The following CCDC126 variants were observed in gnomAD, a reference collection of about 807,000 sequenced individuals.
The protein encoded by CCDC126 is coiled-coil domain containing 126.
A neutral mutation model predicts 11.7 loss-of-function variants in CCDC126; 5 were observed. That is an observed-to-expected ratio of 0.43 (90% CI 0.22 to 0.90). The LOEUF is 0.90. Ranked by LOEUF, CCDC126 falls within the 40% of genes least tolerant of loss-of-function variation. The pLI, the probability that CCDC126 is intolerant of heterozygous loss-of-function variation, is 0.27. For missense variants in CCDC126, 150 were observed against 163.1 expected (o/e 0.92, Z 0.44); for synonymous variants, 60 against 61.9 (o/e 0.97, Z 0.14).
intron 3 of CCDC126, among the ~76,000 whole-genome samples, chr7:23,638,853 A>T: frequency 7.5e-6 from 1 of 132,942 alleles, no homozygotes; most frequent in East Asian, 2.1e-4. Flanking sequence ...GTAATACAAT[A>T]ATAAATTAAC....
chr7:23,617,128 A>G (rs1367944579), intron 3 of CCDC126, among the ~76,000 whole-genome samples: 1 of 151,966 alleles, frequency 6.6e-6, no homozygotes, highest in East Asian at 1.9e-4. Flanking sequence ...CAGGTGGGTC[A>G]CTTGACGTTA....
chr7:23,623,094 C>T (rs1327765573), intron 3 of CCDC126, among the ~76,000 whole-genome samples: 1 of 151,410 alleles, frequency 6.6e-6, no homozygotes, highest in African/African-American at 2.4e-5. Context: ...CTGCCTTAGC[C>T]TCCCAACTGG....
intron 2 of CCDC126, among the ~76,000 whole-genome samples, chr7:23,606,199 C>T (rs914735509): frequency 2.0e-5 from 3 of 152,074 alleles, no homozygotes; most frequent in African/African-American, 7.2e-5. Flanking sequence ...GCTGGGACTA[C>T]AGGTGCCCGC....
chr7:23,633,904 C>T (rs193179995), intron 3 of CCDC126, among the ~76,000 whole-genome samples: 1 of 152,242 alleles, frequency 6.6e-6, no homozygotes, highest in African/African-American at 2.4e-5. Context: ...AATTTTCTTG[C>T]TTGCACCATT....
chr7:23,600,374 A>ACCCCCCCCCCCC (rs35190673), intron 2 of CCDC126, among the ~76,000 whole-genome samples: 1 of 80,548 alleles, frequency 1.2e-5, no homozygotes. Flanking sequence ...TTCTGTGTTA[A>ACCCCCCCCCCCC]CCCCCCCCCC....
intron 2 of CCDC126, among the ~76,000 whole-genome samples, chr7:23,606,236 T>C (rs1353148899): frequency 6.6e-6 from 1 of 152,034 alleles, no homozygotes; most frequent in Non-Finnish European, 1.5e-5. Context: ...TTTTTTGTAT[T>C]TTTAGTAGAG....
intron 3 of CCDC126, among the ~76,000 whole-genome samples, chr7:23,639,235 AGGCTG>A (rs1380368904): frequency 3.5e-5 from 5 of 142,848 alleles, no homozygotes; most frequent in African/African-American, 1.3e-4. Flanking sequence ...TCTGTCACCC[AGGCTG>A]GAGTGCAGTG....
intron 2 of CCDC126, among the ~76,000 whole-genome samples, chr7:23,606,898 C>G (rs1782631980): frequency 6.6e-6 from 1 of 151,496 alleles, no homozygotes; most frequent in Admixed American, 6.6e-5. Context: ...TCACGTGAGA[C>G]CAGACTGGGC....
chr7:23,609,902 AG>A (rs1324545258), intron 2 of CCDC126, among the ~76,000 whole-genome samples: 1 of 152,202 alleles, frequency 6.6e-6, no homozygotes, highest in Non-Finnish European at 1.5e-5. Context: ...AAAGTTCTTA[AG>A]GATTATTTTC....
intron 3 of CCDC126, among the ~76,000 whole-genome samples, chr7:23,621,738 T>C (rs1429552749): frequency 6.6e-6 from 1 of 152,216 alleles, no homozygotes; most frequent in Non-Finnish European, 1.5e-5. Flanking sequence ...GCTCTCATTA[T>C]TTTGAGATAA....
At chr7:23,605,682 TA>T (rs1562828665) in intron 2 of CCDC126, among the ~76,000 whole-genome samples, 1 of 152,214 alleles carries the variant, frequency 6.6e-6, no homozygotes, top group Non-Finnish European at 1.5e-5. Context: ...CCATTGTATG[TA>T]GATACCACAT....
At chr7:23,633,039 C>T (rs896976897) in intron 3 of CCDC126, among the ~76,000 whole-genome samples, 4 of 152,144 alleles carry the variant, frequency 2.6e-5, no homozygotes, top group African/African-American at 7.2e-5. Flanking sequence ...GTTGCCCAGG[C>T]TGGAGTGCAA....
At chr7:23,628,458 G>A (rs1048431551) in intron 3 of CCDC126, among the ~76,000 whole-genome samples, 1 of 152,218 alleles carries the variant, frequency 6.6e-6, no homozygotes, top group Non-Finnish European at 1.5e-5. Context: ...TAGAAAACTT[G>A]TAGTCAATAA....
At position 23,644,520 on chromosome 7, in the gene CCDC126, T is replaced by C. The variant is rs1783425702; in HGVS notation, c.*1405T>C. On this transcript the variant is annotated 3_prime_UTR_variant, in exon 4 of 4. Transcript: ENST00000307471. ...TTAAAATAAATATGTGAAATATTGT[T>C]TCATGAAAGACAGATTTCCAAATCT... The C allele has an allele frequency of 6.6e-6, 1 of 152,524 alleles. No homozygotes were observed. Among genetic ancestry groups the C allele is most frequent in the Non-Finnish European group, 1.5e-5 (1 of 67,954 alleles). The allele number at this position is 152,524 out of a possible 1,614,324, so 9.4% of individuals were successfully genotyped here.
chr7:23,639,904 G>C (rs1309801185), intron 3 of CCDC126, among the ~76,000 whole-genome samples: 1 of 152,158 alleles, frequency 6.6e-6, no homozygotes, highest in African/African-American at 2.4e-5. Context: ...GGCTGGCTGC[G>C]GTGGCTCACG....
chr7:23,608,180 G>C (rs1782652219), intron 2 of CCDC126, among the ~76,000 whole-genome samples: 1 of 152,190 alleles, frequency 6.6e-6, no homozygotes, highest in South Asian at 2.1e-4. Context: ...AAAAGGTGAA[G>C]CGGAGGACAC....
intron 3 of CCDC126, among the ~76,000 whole-genome samples, chr7:23,616,776 G>A (rs750355674): frequency 1.2e-4 from 18 of 152,016 alleles, no homozygotes; most frequent in Non-Finnish European, 2.2e-4. Context: ...GGTCTCTTTC[G>A]TACATGTGTT....
chr7:23,619,755 T>TG (rs1257802943), intron 3 of CCDC126, among the ~76,000 whole-genome samples: 1 of 109,052 alleles, frequency 9.2e-6, no homozygotes, highest in East Asian at 3.3e-4. Flanking sequence ...CAATAGGCCC[T>TG]GGTGTGTGAT....
Position 23,605,399 on chromosome 7 carries a change from T to TTGTG in CCDC126, c.-145-5731_-145-5728dup, listed in dbSNP as rs3219575. Among the ~76,000 whole-genome samples the TTGTG allele has an allele frequency of 3.1e-3, 467 of 148,928 alleles. 1 individual carries two copies. Among genetic ancestry groups the TTGTG allele is most frequent in the Non-Finnish European group, 4.7e-3 (315 of 67,202 alleles). ...TTTTAAGCAGGAGAATGTGATATGC[T>TTGTG]TGTGTGTGTGTGTGTGTGTGTGTGT... On this transcript the variant is annotated intron_variant, in intron 2 of 3. Transcript: ENST00000307471.
Sources: allele counts gnomAD v4.1 joint callset (sites outside exome capture counted in the v4.1 genomes callset), GRCh38; gene constraint gnomAD v4.1.1; transcripts MANE v1.5; gene names NCBI Gene and HGNC (gene_info 2026-07-23, HGNC 2026-07-21).